Variants in RP1L1 observed in about 807,000 individuals in gnomAD.
The protein encoded by RP1L1 is RP1 like 1, also known as retinitis pigmentosa 1-like 1 protein.
RP1L1 carries 27 observed loss-of-function variants against 15.7 expected under a neutral mutation model. The observed-to-expected ratio is 1.72, with a 90% CI of 1.27 to 2.38. The LOEUF is 2.38. Among genes scored for constraint, RP1L1 ranks in the 30% most tolerant of loss-of-function variants. The pLI, the probability that RP1L1 is intolerant of heterozygous loss-of-function variation, is 0.00. For synonymous variants in RP1L1, 1,813 were observed against 1,276.7 expected, an observed-to-expected ratio of 1.42 and a Z score of -8.96; for missense variants, 4,798 against 3,075.9, an observed-to-expected ratio of 1.56 and a Z score of -13.24.
chr8:10,607,268 G>A lies in RP1L1; in HGVS notation c.6830C>T (p.Pro2277Leu). The A allele has an allele frequency of 1.9e-6, 3 of 1,614,194 alleles. No individual in the cohort carries two copies. The highest frequency in any genetic ancestry group is 1.7e-5 in the Admixed American group (1 of 60,024). The change falls in exon 4 of 4, where the codon CCC becomes CTC. Residue 2277 changes from proline (P) to leucine (L), a missense_variant. Physicochemically the swap from Pro to Leu is moderately conservative, Grantham distance 98 (BLOSUM62 -3). Transcript: ENST00000382483. ...TCCACCTGGGGAAGGGGGTGGAGTG[G>A]GCCTGTCCTCAGGGACTGGGCTGCT... ...ESSSPVPEDR[P>L]TPPPSPGGDT...
chr8:10,637,468 G>A (rs34934457), intron 1 of RP1L1, among the ~76,000 whole-genome samples: 39,952 of 152,082 alleles, frequency 0.26, 5,568 homozygotes, highest in African/African-American at 0.32. Flanking sequence ...AATAAAAGCC[G>A]GCCACGGTGG....
chr8:10,646,497 G>A (rs532765175), intron 1 of RP1L1, among the ~76,000 whole-genome samples: 2 of 152,084 alleles, frequency 1.3e-5, no homozygotes, highest in African/African-American at 4.8e-5. Flanking sequence ...TGGAGCCAGA[G>A]AAAAGGTGAC....
Position 10,606,874 on chromosome 8 carries a change from T to C in RP1L1, c.*21A>G. The C allele has an allele frequency of 6.2e-7, 1 of 1,614,074 alleles. No individual in the cohort carries two copies. The highest frequency in any genetic ancestry group is 8.5e-7 in the Non-Finnish European group (1 of 1,180,030). ...AAAACAGAGCTCCCAAGCTCGTGAT[T>C]GTTTTCTAGCTTGATCTTGTCTAGA... On this transcript the variant is annotated 3_prime_UTR_variant, in exon 4 of 4. Coordinates refer to ENST00000382483, the MANE Select transcript of RP1L1 (RefSeq NM_178857.6).
In RP1L1 at chr8:10,610,212, T is replaced by C. The variant is rs1797818259; in HGVS notation, c.3886A>G (p.Thr1296Ala). Residue 1296 changes from threonine (T) to alanine (A), a missense_variant, in exon 4 of 4, where the codon ACA becomes GCA. Transcript: ENST00000382483. ...TCTAATTGCACCTCTTCTTGCACTG[T>C]GTTTTCAGCTAACTGCTCCAGGTTC... ...SSNLEQLAEN[T>A]VQEEVQLEET... is the part of the protein sequence containing the mutation. 1 of 1,444,598 alleles carries C rather than the reference T, an allele frequency of 6.9e-7. No individual in the cohort carries two copies. The highest frequency in any genetic ancestry group is 2.0e-5 in the Admixed American group (1 of 51,182). The allele number at this position is 1,444,598 out of a possible 1,614,324, so 89.5% of individuals were successfully genotyped here. A position where few individuals can be genotyped will look rare whatever the true frequency, so the allele number is the denominator to read the frequency against.
chr8:10,646,692 G>A (rs959785500), intron 1 of RP1L1, among the ~76,000 whole-genome samples: 4 of 152,080 alleles, frequency 2.6e-5, no homozygotes, highest in East Asian at 1.9e-4. Context: ...CCACACCCAC[G>A]GGTGGCACAC....
intron 1 of RP1L1, among the ~76,000 whole-genome samples, chr8:10,639,632 C>G (rs1798380099): frequency 1.3e-5 from 2 of 152,132 alleles, no homozygotes; most frequent in Admixed American, 6.5e-5. Context: ...CCTCAGCGTC[C>G]CAGAGCACTG....
Position 10,612,221 on chromosome 8 carries a change from G to C in RP1L1, c.1877C>G (p.Ser626Cys). 1 of 1,613,246 alleles carries C rather than the reference G, an allele frequency of 6.2e-7. No homozygotes were observed. Among genetic ancestry groups the C allele is most frequent in the South Asian group, 1.1e-5 (1 of 91,084 alleles). ...SCSWDSEGAS[S>C]TPSTCTSSQQ... is the part of the protein sequence containing the mutation. ...GGATGAAGTGCAGGTGGAAGGGGTGGAAGAGGCTCCTTCCGAGTCCCAGGA... is the reference window on the plus strand; with the variant it reads ...GGATGAAGTGCAGGTGGAAGGGGTGCAAGAGGCTCCTTCCGAGTCCCAGGA... The change falls in exon 4 of 4, where the codon TCC becomes TGC. Residue 626 changes from serine (S) to cysteine (C), a missense_variant. Physicochemically the swap from Ser to Cys is moderately radical, Grantham distance 112. Coordinates refer to ENST00000382483, the MANE Select transcript of RP1L1 (RefSeq NM_178857.6).
rs368591131 is a variant in RP1L1, at chr8:10,613,285, C to T, written c.813G>A (p.Thr271=). Residue 271 remains threonine (T), a synonymous_variant, in exon 4 of 4, where the codon ACG becomes ACA. Coordinates refer to ENST00000382483, the MANE Select transcript of RP1L1 (RefSeq NM_178857.6). ...GACCAGGCCTTTCTGGCAGCCGTGG[C>T]GTGCTGCCTGGCGGAGACCGCGAAT... is the stretch of plus-strand genomic sequence containing the variant. The part of the protein sequence containing the change: ...VIHSRSPPGS[T]PRLPERPGPS... The T allele has an allele frequency of 1.5e-5, 24 of 1,606,574 alleles. No individual in the cohort carries two copies. Among genetic ancestry groups the T allele is most frequent in the Middle Eastern group, 3.3e-4 (2 of 6,084 alleles).
chr8:10,652,648 C>A (rs1277659009), intron 1 of RP1L1, among the ~76,000 whole-genome samples: 1 of 151,858 alleles, frequency 6.6e-6, no homozygotes, highest in Non-Finnish European at 1.5e-5. Context: ...CTTCATTTTA[C>A]AATTGATCCT....
chr8:10,618,622 G>C (rs979549631), intron 2 of RP1L1, among the ~76,000 whole-genome samples: 1 of 152,126 alleles, frequency 6.6e-6, no homozygotes, highest in Non-Finnish European at 1.5e-5. Flanking sequence ...AGCCCAGGAG[G>C]TCGAGGCTGC....
rs1027623231 is a variant in RP1L1, at chr8:10,654,964, A to T, written c.-86T>A. 11 of 152,860 alleles carry T rather than the reference A, an allele frequency of 7.2e-5. No individual in the cohort carries two copies. The highest frequency in any genetic ancestry group is 2.7e-4 in the African/African-American group (11 of 41,466). 9.5% of individuals were successfully genotyped at this position (152,860 alleles called of 1,614,324 possible). A position where few individuals can be genotyped will look rare whatever the true frequency, so the allele number is the denominator to read the frequency against. ...CTCAGGGGGACGTCCTTTGGAGGAA[A>T]GTCAGGCCAGGGGGAACACCGCCTC... On this transcript the variant is annotated 5_prime_UTR_variant, in exon 1 of 4. Coordinates refer to ENST00000382483, the MANE Select transcript of RP1L1 (RefSeq NM_178857.6).
Position 10,610,135 on chromosome 8 carries a change from C to A in RP1L1, c.3963G>T (p.Gln1321His). 11 of 1,494,070 alleles carry A rather than the reference C, an allele frequency of 7.4e-6. 1 individual carries two copies. Among genetic ancestry groups the A allele is most frequent in the East Asian group, 5.8e-5 (2 of 34,230 alleles). The allele number at this position is 1,494,070 out of a possible 1,614,324, so 92.6% of individuals were successfully genotyped here. A position where few individuals can be genotyped will look rare whatever the true frequency, so the allele number is the denominator to read the frequency against. The change falls in exon 4 of 4, where the codon CAG becomes CAT. Residue 1321 changes from glutamine (Q) to histidine (H), a missense_variant. Gln to His is a conservative substitution (Grantham distance 24, BLOSUM62 0). Coordinates refer to ENST00000382483, the MANE Select transcript of RP1L1 (RefSeq NM_178857.6). The part of the protein sequence containing the change: ...EGEGLQEEAV[Q>H]LEETKTEEGL... ...CTTCTTCTGTTTTAGTTTCCTCTAACTGCACCGCCTCTTCTTGCAGCCCTT... is the reference window on the plus strand; with the variant it reads ...CTTCTTCTGTTTTAGTTTCCTCTAAATGCACCGCCTCTTCTTGCAGCCCTT...
chr8:10,609,373 C>G lies in RP1L1; in HGVS notation c.4725G>C (p.Glu1575Asp). 6.2e-7 allele frequency: 1 copy of G among 1,612,516 alleles called. No individual in the cohort carries two copies. The highest frequency in any genetic ancestry group is 8.5e-7 in the Non-Finnish European group (1 of 1,179,910). Reference sequence around the variant, plus strand: ...CCGCCCGGCCCTGGAGCTTCTGGAGCTCTCTCTTGGTGCTGTCCTGGAGGC... The same window carrying G: ...CCGCCCGGCCCTGGAGCTTCTGGAGGTCTCTCTTGGTGCTGTCCTGGAGGC... ...AQRLQDSTKRELQKLQGRAGR... is the reference protein window; with the variant it reads ...AQRLQDSTKRDLQKLQGRAGR... Residue 1575 changes from glutamate (E) to aspartate (D), a missense_variant, in exon 4 of 4, where the codon GAG becomes GAC. Glu to Asp is a conservative substitution (Grantham distance 45, BLOSUM62 2). Coordinates refer to ENST00000382483, the MANE Select transcript of RP1L1 (RefSeq NM_178857.6).
intron 2 of RP1L1, chr8:10,621,617 T>C (rs948723518): frequency 4.5e-6 from 2 of 440,826 alleles, no homozygotes; most frequent in African/African-American, 2.0e-5. Flanking sequence ...TGCGCCACTG[T>C]GCCCAGTGAT....
chr8:10,625,980 C>A (rs1267584922), intron 1 of RP1L1, among the ~76,000 whole-genome samples: 2 of 151,756 alleles, frequency 1.3e-5, no homozygotes, highest in African/African-American at 4.8e-5. Context: ...GGAAGGAAAG[C>A]AGAGGCCTTC....
intron 2 of RP1L1, 127 bp downstream of exon 2, chr8:10,622,466 C>A: frequency 8.2e-7 from 1 of 1,214,916 alleles, no homozygotes; most frequent in South Asian, 1.2e-5. Flanking sequence ...CCATGCTGTT[C>A]ACCTTTAATT....
chr8:10,628,498 C>T (rs544372868), intron 1 of RP1L1, among the ~76,000 whole-genome samples: 1 of 152,220 alleles, frequency 6.6e-6, no homozygotes, highest in East Asian at 1.9e-4. Flanking sequence ...CCCCAGAGAT[C>T]CAGGAAGCCC....
intron 1 of RP1L1, among the ~76,000 whole-genome samples, chr8:10,636,434 A>G (rs999387812): frequency 6.6e-6 from 1 of 152,202 alleles, no homozygotes; most frequent in African/African-American, 2.4e-5. Context: ...ATCCTCGGTA[A>G]AATGGAGACA....
intron 1 of RP1L1, among the ~76,000 whole-genome samples, chr8:10,640,840 A>G (rs993437714): frequency 1.8e-4 from 27 of 152,226 alleles, no homozygotes; most frequent in African/African-American, 6.0e-4. Context: ...GCGTAAACAC[A>G]GCTCACTGCA....
Sources: gnomAD v4.1 joint callset for allele counts (sites outside exome capture counted in the v4.1 genomes callset) on GRCh38, gnomAD v4.1.1 for gene constraint, MANE v1.5 for transcripts, NCBI Gene and HGNC (gene_info 2026-07-23, HGNC 2026-07-21) for gene names.